Variants in KTN1 observed in about 807,000 individuals in gnomAD.
KTN1 encodes the protein kinectin.
A neutral mutation model predicts 222.5 loss-of-function variants in KTN1; 130 were observed. The ratio of observed to expected loss-of-function variants is 0.58; its 90% confidence interval spans 0.51 to 0.68. The LOEUF (loss-of-function observed/expected upper bound fraction) is 0.68, where lower values mean the gene tolerates loss of function less well. Ranked by LOEUF, KTN1 falls within the 30% of genes least tolerant of loss-of-function variation. The pLI, the probability that KTN1 is intolerant of heterozygous loss-of-function variation, is 0.00. For synonymous variants in KTN1, 512 were observed against 496.3 expected (o/e 1.03, Z -0.42); for missense variants, 1,508 against 1,500.4 (o/e 1.01, Z -0.08).
chr14:55,675,543 A>G (rs903685676), intron 40 of KTN1: 9 of 250,718 alleles, frequency 3.6e-5, no homozygotes, highest in Admixed American at 3.6e-4. Flanking sequence ...AGTGACTGTT[A>G]TAAATAGTGA....
chr14:55,638,308 A>T (rs116054180), intron 12 of KTN1, among the ~76,000 whole-genome samples: 65 of 152,000 alleles, frequency 4.3e-4, no homozygotes, highest in African/African-American at 1.6e-3. Flanking sequence ...CAGCCTTCCA[A>T]AGTTTTCAAG....
At chr14:55,602,781 A>C (rs75317742) in intron 1 of KTN1, among the ~76,000 whole-genome samples, 3 of 152,036 alleles carry the variant, frequency 2.0e-5, no homozygotes, top group Admixed American at 6.6e-5. Flanking sequence ...GGGTTCTGCT[A>C]TGTTGCCCAG....
At chr14:55,580,418 C>T (rs1193486917) in intron 1 of KTN1, 64 bp downstream of exon 1, 1 of 146,146 alleles carries the variant, frequency 6.8e-6, no homozygotes, top group Non-Finnish European at 1.5e-5. Flanking sequence ...GGAGGCGGCG[C>T]CGGCCGCGGG....
intron 1 of KTN1, among the ~76,000 whole-genome samples, chr14:55,592,976 C>A (rs2034397806): frequency 6.6e-6 from 1 of 152,018 alleles, no homozygotes; most frequent in African/African-American, 2.4e-5. Flanking sequence ...TTTAATTGTT[C>A]TATCATTTTT....
chr14:55,618,065 C>A lies in KTN1; in HGVS notation c.763C>A (p.Leu255Ile). The A allele has an allele frequency of 6.2e-7, 1 of 1,613,024 alleles. No individual in the cohort carries two copies. Among genetic ancestry groups the A allele is most frequent in the Non-Finnish European group, 8.5e-7 (1 of 1,179,394 alleles). The change falls in exon 4 of 44, where the codon CTT (leucine) becomes ATT (isoleucine). Residue 255 changes from leucine to isoleucine, a missense_variant. Leu to Ile is a conservative substitution (Grantham distance 5). Coordinates refer to ENST00000395314, the MANE Select transcript of KTN1 (RefSeq NM_001079521.2). ...AGATAAGAGAGAGGTTATTGATTTGCTTAAACCTGACCAAGTAGAAGGGAT... is the reference window on the plus strand; with the variant it reads ...AGATAAGAGAGAGGTTATTGATTTGATTAAACCTGACCAAGTAGAAGGGAT... ...VVDKREVIDL[L>I]KPDQVEGIQK...
chr14:55,629,417 C>CAA (rs58348373), intron 6 of KTN1, among the ~76,000 whole-genome samples: 555 of 46,260 alleles, frequency 0.012, 7 homozygotes, highest in African/African-American at 0.03. Flanking sequence ...GACTCCGTCT[C>CAA]AAAAAAAAAA....
At chr14:55,639,362 C>CTTTTTTT (rs369782699) in intron 13 of KTN1, 140 bp downstream of exon 13, 19 of 334,494 alleles carry the variant, frequency 5.7e-5, no homozygotes, top group African/African-American at 9.9e-5. Flanking sequence ...GCAACTTTTG[C>CTTTTTTT]TTTTTTTTTT....
At chr14:55,605,836 C>G (rs2036648639) in intron 1 of KTN1, among the ~76,000 whole-genome samples, 2 of 152,092 alleles carry the variant, frequency 1.3e-5, no homozygotes, top group Non-Finnish European at 2.9e-5. Context: ...TTCATTGTAT[C>G]TAAACCTTTT....
intron 41 of KTN1, among the ~76,000 whole-genome samples, chr14:55,677,627 T>G (rs944474324): frequency 6.6e-6 from 1 of 152,188 alleles, no homozygotes; most frequent in African/African-American, 2.4e-5. Context: ...ATCCCAAAGC[T>G]TTTTTAGGGT....
intron 1 of KTN1, among the ~76,000 whole-genome samples, chr14:55,599,873 T>C (rs2140452563): frequency 6.6e-6 from 1 of 152,230 alleles, no homozygotes; most frequent in East Asian, 1.9e-4. Flanking sequence ...CTTTTTCTCT[T>C]TTGTGTCAAT....
Position 55,641,898 on chromosome 14 carries a change from C to T in KTN1, c.2172+138C>T, listed in dbSNP as rs115879375. ...GGCTGTTATTGCCTTTCTATTCATCCTGTATCTAAATTCAGGAAATTTTTT... is the reference window on the plus strand; with the variant it reads ...GGCTGTTATTGCCTTTCTATTCATCTTGTATCTAAATTCAGGAAATTTTTT... On this transcript the variant is annotated intron_variant, in intron 18 of 43. Coordinates refer to ENST00000395314, the MANE Select transcript of KTN1 (RefSeq NM_001079521.2). The T allele has an allele frequency of 1.2e-3, 768 of 634,518 alleles. 2 individuals carry two copies. In the African/African-American group the frequency reaches 0.013, roughly 11 times the overall value. 39.3% of individuals were successfully genotyped at this position (634,518 alleles called of 1,614,324 possible).
At chr14:55,651,315 A>G in intron 24 of KTN1, 1 of 456,008 alleles carries the variant, frequency 2.2e-6, no homozygotes. Flanking sequence ...TCTTCTCCTG[A>G]GGAACTGACA....
intron 40 of KTN1, 110 bp downstream of exon 40, chr14:55,673,365 CT>C: frequency 4.7e-6 from 3 of 635,380 alleles, no homozygotes; most frequent in East Asian, 5.5e-5. Context: ...TTAGCTTGGC[CT>C]TTTTGTAAGT....
At chr14:55,638,978 A>G (rs1258332332) in intron 12 of KTN1, among the ~76,000 whole-genome samples, 8 of 151,770 alleles carry the variant, frequency 5.3e-5, no homozygotes, top group Non-Finnish European at 1.0e-4. Flanking sequence ...GTCTTGTGAT[A>G]TGTAATTCGT....
intron 5 of KTN1, among the ~76,000 whole-genome samples, chr14:55,625,749 A>T (rs772392350): frequency 1.4e-4 from 22 of 152,158 alleles, no homozygotes; most frequent in Admixed American, 2.6e-4. Context: ...GGGGTATAAC[A>T]TTCCAGAATT....
intron 13 of KTN1, 103 bp downstream of exon 13, chr14:55,639,325 C>T: frequency 1.6e-6 from 1 of 636,144 alleles, no homozygotes; most frequent in South Asian, 2.6e-5. Context: ...ACGACCTGTT[C>T]AGAAAATACT....
intron 1 of KTN1, among the ~76,000 whole-genome samples, chr14:55,609,188 C>T (rs1440129059): frequency 1.3e-5 from 2 of 152,074 alleles, no homozygotes; most frequent in African/African-American, 4.8e-5. Flanking sequence ...GTGTGTTGTT[C>T]CCCTCTCTGT....
At chr14:55,622,032 A>G (rs1457726794) in intron 5 of KTN1, among the ~76,000 whole-genome samples, 4 of 151,758 alleles carry the variant, frequency 2.6e-5, no homozygotes, top group African/African-American at 9.7e-5. Flanking sequence ...TATTTTTAGT[A>G]GAGATGGGGT....
intron 1 of KTN1, among the ~76,000 whole-genome samples, chr14:55,583,166 C>G (rs1326268273): frequency 6.6e-6 from 1 of 152,110 alleles, no homozygotes; most frequent in East Asian, 1.9e-4. Context: ...ATTTAACCTT[C>G]TGTATCTGAG....
Sources: gnomAD v4.1 joint callset for allele counts (sites outside exome capture counted in the v4.1 genomes callset) on GRCh38, gnomAD v4.1.1 for gene constraint, MANE v1.5 for transcripts, NCBI Gene and HGNC (gene_info 2026-07-23, HGNC 2026-07-21) for gene names.